Variants in ADARB1 observed in about 807,000 individuals in gnomAD.
ADARB1 encodes double-stranded RNA-specific editase 1.
A neutral mutation model predicts 52.4 loss-of-function variants in ADARB1; 10 were observed. The observed-to-expected ratio is 0.19, with a 90% CI of 0.12 to 0.32. The LOEUF is 0.32. Among genes scored for constraint, ADARB1 ranks in the 10% least tolerant of loss-of-function variants. The pLI, the probability that ADARB1 is intolerant of heterozygous loss-of-function variation, is 1.00. For synonymous variants in ADARB1, 349 were observed against 371.1 expected (o/e 0.94, Z 0.68); for missense variants, 643 against 922.3 (o/e 0.70, Z 3.92).
chr21:45,115,256 T>C (rs1160509994), intron 1 of ADARB1, among the ~76,000 whole-genome samples: 1 of 152,192 alleles, frequency 6.6e-6, no homozygotes, highest in Non-Finnish European at 1.5e-5. Context: ...TGACCGTCTG[T>C]GAGTCACAGA....
At chr21:45,182,876 A>G in intron 6 of ADARB1, 123 bp downstream of exon 6, 1 of 945,606 alleles carries the variant, frequency 1.1e-6, no homozygotes, top group Non-Finnish European at 1.5e-6. Context: ...TCATAACTTT[A>G]ATTAGTAACA....
At chr21:45,188,749 C>A (rs1420736695) in intron 8 of ADARB1, among the ~76,000 whole-genome samples, 2 of 151,936 alleles carry the variant, frequency 1.3e-5, no homozygotes, top group Non-Finnish European at 2.9e-5. Context: ...TAGCTTTTTG[C>A]TTGTTTTTCC....
At chr21:45,206,686 G>T (rs1447669378) in intron 9 of ADARB1, among the ~76,000 whole-genome samples, 3 of 144,348 alleles carry the variant, frequency 2.1e-5, no homozygotes, top group African/African-American at 7.7e-5. Context: ...CAATTGTCCT[G>T]CCTCAGCCTC....
intron 9 of ADARB1, among the ~76,000 whole-genome samples, chr21:45,213,155 A>G (rs2092801989): frequency 6.6e-6 from 1 of 152,184 alleles, no homozygotes; most frequent in Non-Finnish European, 1.5e-5. Flanking sequence ...AACCTACCCA[A>G]TCAGAATCTC....
At chr21:45,143,297 G>A (rs1006539475) in intron 2 of ADARB1, among the ~76,000 whole-genome samples, 19 of 152,150 alleles carry the variant, frequency 1.2e-4, no homozygotes, top group African/African-American at 4.3e-4. Flanking sequence ...TCTTCTCTCA[G>A]GCATCTATAG....
rs1361861651 is a variant in ADARB1 at position 45,184,682 on chromosome 21, C to T, written c.1397-241C>T. On this transcript the variant is annotated intron_variant, in intron 7 of 10. Transcript: ENST00000348831. ...CCCAGGCTGGTCTTAAACTCCTGGG[C>T]TCAAGCGATCCACCTGCCTCAGCCT... 1.7e-5 allele frequency: 7 copies of T among 403,188 alleles called. No individual in the cohort carries two copies. The East Asian group carries it at 3.6e-4, about 21-fold the overall frequency. The allele number at this position is 403,188 out of a possible 1,614,324, so 25.0% of individuals were successfully genotyped here.
intron 9 of ADARB1, among the ~76,000 whole-genome samples, chr21:45,211,786 C>T (rs2092773280): frequency 1.3e-5 from 2 of 152,150 alleles, no homozygotes. Flanking sequence ...TGTACCGCGG[C>T]CTGGGATTAA....
chr21:45,121,039 T>C (rs2088147689), intron 1 of ADARB1: 3 of 152,234 alleles, frequency 2.0e-5, no homozygotes, highest in African/African-American at 7.2e-5. Context: ...TTGTTATGAT[T>C]TTTGTGTCTA....
chr21:45,225,486 C>A lies in ADARB1; in HGVS notation c.*3289C>A. On this transcript the variant is annotated 3_prime_UTR_variant, in exon 11 of 11. Coordinates refer to ENST00000348831, the MANE Select transcript of ADARB1 (RefSeq NM_001112.4). Reference sequence around the variant, plus strand: ...TTATTCAAATAACCATATTTATCTCCAGGCTGTGGAATCGCCACTTTCTTT... The same window carrying A: ...TTATTCAAATAACCATATTTATCTCAAGGCTGTGGAATCGCCACTTTCTTT... 7.6e-7 allele frequency: 1 copy of A among 1,313,836 alleles called. No individual in the cohort carries two copies. Among genetic ancestry groups the A allele is most frequent in the Non-Finnish European group, 9.8e-7 (1 of 1,022,182 alleles). The allele number at this position is 1,313,836 out of a possible 1,614,324, so 81.4% of individuals were successfully genotyped here. A position where few individuals can be genotyped will look rare whatever the true frequency, so the allele number is the denominator to read the frequency against.
chr21:45,164,432 G>GAC, intron 2 of ADARB1, among the ~76,000 whole-genome samples: 1 of 151,948 alleles, frequency 6.6e-6, no homozygotes, highest in South Asian at 2.1e-4. Flanking sequence ...GGGTGGAGGA[G>GAC]ACCGAGCCTG....
intron 9 of ADARB1, among the ~76,000 whole-genome samples, chr21:45,216,103 A>G (rs2092857169): frequency 6.6e-6 from 1 of 152,144 alleles, no homozygotes; most frequent in South Asian, 2.1e-4. Flanking sequence ...TGTCTAATAT[A>G]TTGGCATAAA....
chr21:45,224,580 C>CGGGGCGGCTGTTGGGGGG lies in ADARB1; in HGVS notation c.*2383_*2384insGGGGCGGCTGTTGGGGGG, dbSNP rs2093027355. 1 of 581,254 alleles carries CGGGGCGGCTGTTGGGGGG rather than the reference C, an allele frequency of 1.7e-6. No individual in the cohort carries two copies. The highest frequency in any genetic ancestry group is 1.9e-6 in the Non-Finnish European group (1 of 523,686). 36.0% of individuals were successfully genotyped at this position (581,254 alleles called of 1,614,324 possible). On this transcript the variant is annotated 3_prime_UTR_variant, in exon 11 of 11. Transcript: ENST00000348831. ...GGAACTGGGTTCGGGGTGCCCTGGG[C>CGGGGCGGCTGTTGGGGGG]AGGGGGCTACTGGGGGGCGGCTGTG...
rs770069957 is a variant in ADARB1, at chr21:45,222,392, G to A, written c.*195G>A. 2.2e-4 allele frequency: 286 copies of A among 1,324,116 alleles called. No individual in the cohort carries two copies. Among genetic ancestry groups the A allele is most frequent in the Non-Finnish European group, 2.7e-4 (280 of 1,043,420 alleles). 82.0% of individuals were successfully genotyped at this position (1,324,116 alleles called of 1,614,324 possible). Reference sequence around the variant, plus strand: ...CAGGTGCGCAGTGTGGGGAGGGGATGGGGTGCGTCAGGGCCCAGCATCGCC... The same window carrying A: ...CAGGTGCGCAGTGTGGGGAGGGGATAGGGTGCGTCAGGGCCCAGCATCGCC... On this transcript the variant is annotated 3_prime_UTR_variant, in exon 11 of 11. Transcript: ENST00000348831.
At position 45,224,703 on chromosome 21, in the gene ADARB1, G is replaced by A. The variant is rs1602101162; in HGVS notation, c.*2506G>A. ...CGGGGCAGGGGGCGGCTGTAGGAAG[G>A]AACTGGTTTCGGGGAGCCCTGGGCG... On this transcript the variant is annotated 3_prime_UTR_variant, in exon 11 of 11. Coordinates refer to ENST00000348831, the MANE Select transcript of ADARB1 (RefSeq NM_001112.4). 1 of 978,512 alleles carries A rather than the reference G, an allele frequency of 1.0e-6. No homozygotes were observed. Among genetic ancestry groups the A allele is most frequent in the South Asian group, 4.4e-5 (1 of 22,606 alleles). 60.6% of individuals were successfully genotyped at this position (978,512 alleles called of 1,614,324 possible). A position where few individuals can be genotyped will look rare whatever the true frequency, so the allele number is the denominator to read the frequency against.
At chr21:45,160,668 A>T (rs1285792139) in intron 2 of ADARB1, among the ~76,000 whole-genome samples, 2 of 152,262 alleles carry the variant, frequency 1.3e-5, no homozygotes, top group Admixed American at 6.5e-5. Context: ...ACTTCCAGTC[A>T]TAACGTTATG....
At chr21:45,081,745 G>A (rs186567713) in intron 1 of ADARB1, among the ~76,000 whole-genome samples, 9 of 152,312 alleles carry the variant, frequency 5.9e-5, no homozygotes, top group Admixed American at 1.3e-4. Flanking sequence ...GATGTGGTAC[G>A]CTGAGGCCCA....
intron 2 of ADARB1, among the ~76,000 whole-genome samples, chr21:45,132,934 TAAAAG>T: frequency 6.6e-6 from 1 of 152,272 alleles, no homozygotes; most frequent in Middle Eastern, 3.4e-3. Flanking sequence ...AAATACACCA[TAAAAG>T]AAAATACCGA....
Position 45,200,595 on chromosome 21 carries a change from G to T in ADARB1, c.1566-3960G>T, listed in dbSNP as rs1404143380. 6.6e-6 allele frequency among the ~76,000 whole-genome samples: 1 copy of T among 152,152 alleles called. No homozygotes were observed. The highest frequency in any genetic ancestry group is 2.4e-5 in the African/African-American group (1 of 41,422). ...GGGATGGCTTTATTGTAGGGAAAGG[G>T]GGAGGCTTTGGGTATGTTCTGATGG... On this transcript the variant is annotated intron_variant, in intron 8 of 10. Transcript: ENST00000348831. This position sits in a 1 kb window ranked among gnomAD's most constrained non-coding sequence, Gnocchi z 5.0.
intron 2 of ADARB1, among the ~76,000 whole-genome samples, chr21:45,141,774 C>T (rs1326519857): frequency 3.3e-5 from 5 of 151,458 alleles, no homozygotes; most frequent in Non-Finnish European, 7.4e-5. Context: ...ACCTTAGCAT[C>T]CCTGGGTCGC....
Sources: gnomAD v4.1 joint callset for allele counts (sites outside exome capture counted in the v4.1 genomes callset) on GRCh38, gnomAD v4.1.1 for gene constraint, Gnocchi (gnomAD v3.1) non-coding constraint, MANE v1.5 for transcripts, NCBI Gene and HGNC (gene_info 2026-07-23, HGNC 2026-07-21) for gene names.